The following NLGN1 variants were observed in gnomAD, a reference collection of about 807,000 sequenced individuals.
The protein encoded by NLGN1 is neuroligin-1.
Under a neutral mutation model 65.5 loss-of-function variants are expected in NLGN1, and 12 were observed. The ratio of observed to expected loss-of-function variants is 0.18; its 90% CI spans 0.12 to 0.30. NLGN1 has a LOEUF of 0.30. NLGN1 is among the 10% of genes least tolerant of loss of function. The pLI, the probability that NLGN1 is intolerant of heterozygous loss-of-function variation, is 1.00. For synonymous variants in NLGN1, 350 were observed against 359.5 expected (o/e 0.97, Z 0.30); for missense variants, 750 against 1,007.1 (o/e 0.74, Z 3.46).
chr3:173,479,365 TAAAC>T (rs1432223695), intron 2 of NLGN1, among the ~76,000 whole-genome samples: 1 of 152,090 alleles, frequency 6.6e-6, no homozygotes, highest in South Asian at 2.1e-4. Flanking sequence ...CCAGAATATA[TAAAC>T]AAACATGGGA....
intron 2 of NLGN1, among the ~76,000 whole-genome samples, chr3:173,476,828 A>G (rs1266018702): frequency 1.3e-5 from 2 of 152,158 alleles, no homozygotes; most frequent in African/African-American, 4.8e-5. Flanking sequence ...AAATGTATTT[A>G]TTTGAATGTA....
chr3:174,144,449 T>G (rs1034332513), intron 4 of NLGN1, among the ~76,000 whole-genome samples: 2 of 152,194 alleles, frequency 1.3e-5, no homozygotes, highest in Non-Finnish European at 2.9e-5. Flanking sequence ...GATTGCTGGG[T>G]CAAATGGTAT....
chr3:174,246,061 G>A (rs1390323691), intron 4 of NLGN1, among the ~76,000 whole-genome samples: 1 of 152,092 alleles, frequency 6.6e-6, no homozygotes, highest in African/African-American at 2.4e-5. Flanking sequence ...ATATAATTTA[G>A]CATAAGTTCA....
intron 2 of NLGN1, among the ~76,000 whole-genome samples, chr3:173,492,772 G>A (rs1341998023): frequency 1.3e-5 from 2 of 151,768 alleles, no homozygotes; most frequent in Admixed American, 1.3e-4. Flanking sequence ...GAAGGAAAGA[G>A]GAATCTGTAA....
At chr3:174,292,514 T>G in the NLGN1 span, among the ~76,000 whole-genome samples, 2 of 145,904 alleles carry the variant, frequency 1.4e-5, no homozygotes, top group Non-Finnish European at 3.1e-5. Context: ...TGAATAATAA[T>G]TAAAAAGAAA....
At chr3:173,445,930 A>G (rs965661075) in intron 2 of NLGN1, among the ~76,000 whole-genome samples, 16 of 152,188 alleles carry the variant, frequency 1.1e-4, no homozygotes, top group Non-Finnish European at 4.4e-5. Context: ...CTCCACCTCT[A>G]ACAGACATTT....
At chr3:173,411,902 G>T (rs1277928999) in intron 1 of NLGN1, among the ~76,000 whole-genome samples, 3 of 152,092 alleles carry the variant, frequency 2.0e-5, no homozygotes, top group East Asian at 3.9e-4. Context: ...GAAGCTGACA[G>T]TAAGACTTAA....
At chr3:174,107,108 A>T (rs1576908589) in intron 4 of NLGN1, among the ~76,000 whole-genome samples, 1 of 151,832 alleles carries the variant, frequency 6.6e-6, no homozygotes, top group East Asian at 1.9e-4. Context: ...ACATAAAGTT[A>T]ACCATCAAAG....
At chr3:173,708,206 T>G (rs1768356279) in intron 3 of NLGN1, among the ~76,000 whole-genome samples, 1 of 152,212 alleles carries the variant, frequency 6.6e-6, no homozygotes, top group African/African-American at 2.4e-5. Context: ...AAATATGTCC[T>G]TCTACCTTGA....
At chr3:173,500,591 C>G (rs192837701) in intron 2 of NLGN1, among the ~76,000 whole-genome samples, 2 of 152,204 alleles carry the variant, frequency 1.3e-5, no homozygotes, top group African/African-American at 4.8e-5. Context: ...AAGATTCCCT[C>G]TTTTTCTATT....
At chr3:173,818,600 A>G (rs1216233060) in intron 4 of NLGN1, among the ~76,000 whole-genome samples, 1 of 152,196 alleles carries the variant, frequency 6.6e-6, no homozygotes, top group Non-Finnish European at 1.5e-5. Flanking sequence ...TTTGTAAAAT[A>G]GAAAATACAC....
intron 2 of NLGN1, chr3:173,584,463 T>C (rs945352306): frequency 7.5e-6 from 1 of 133,512 alleles, no homozygotes; most frequent in Non-Finnish European, 1.6e-5. Context: ...CCAAAAAAGA[T>C]TTTTTAAAAA....
rs10688223 is a variant in NLGN1, at chr3:173,994,491, A to AAAAAAAAAGAG, written c.646+186660_646+186661insAAAAAAAGAGA. On this transcript the variant is annotated intron_variant, in intron 4 of 6. Transcript: ENST00000457714. ...AAAAAAAAAAAAAAAAAAAAAAAAA[A>AAAAAAAAAGAG]AGAGAGAGAGAGAGCCTAATTAGTA... 4.8e-4 allele frequency among the ~76,000 whole-genome samples: 39 copies of AAAAAAAAAGAG among 81,234 alleles called. 1 individual carries two copies. The highest frequency in any genetic ancestry group is 1.3e-3 in the East Asian group (2 of 1,582). The allele number at this position is 81,234 out of a possible 152,430, so 53.3% of individuals were successfully genotyped here.
rs190059664 is a variant in NLGN1 at position 174,209,822 on chromosome 3, G to A, written c.647-65493G>A. On this transcript the variant is annotated intron_variant, in intron 4 of 6. Coordinates refer to ENST00000457714, the Ensembl canonical transcript of NLGN1. ...TAATTTTTGTATTTGTGGTAGGGACGGGGTTGCGCCATGTTGGCCAGGCTG... is the reference window on the plus strand; with the variant it reads ...TAATTTTTGTATTTGTGGTAGGGACAGGGTTGCGCCATGTTGGCCAGGCTG... 2.5e-3 allele frequency among the ~76,000 whole-genome samples: 375 copies of A among 151,424 alleles called. 2 individuals carry two copies. The highest frequency in any genetic ancestry group is 8.5e-3 in the African/African-American group (350 of 41,268).
chr3:173,907,670 TG>T (rs1738722752), intron 4 of NLGN1, among the ~76,000 whole-genome samples: 1 of 149,618 alleles, frequency 6.7e-6, no homozygotes, highest in Admixed American at 6.7e-5. Flanking sequence ...CTGAAACCTC[TG>T]CCTCCCAGGT....
At chr3:173,502,687 G>A (rs1236421000) in intron 2 of NLGN1, among the ~76,000 whole-genome samples, 4 of 152,046 alleles carry the variant, frequency 2.6e-5, no homozygotes, top group Admixed American at 1.3e-4. Context: ...TAATAATTTG[G>A]TTCAGCATAT....
intron 4 of NLGN1, among the ~76,000 whole-genome samples, chr3:173,888,130 C>G (rs1206238772): frequency 1.3e-5 from 2 of 151,882 alleles, no homozygotes; most frequent in East Asian, 3.9e-4. Flanking sequence ...ATTCTATTCC[C>G]AAGTCTCTCA....
chr3:174,126,565 A>G (rs912382144), intron 4 of NLGN1, among the ~76,000 whole-genome samples: 3 of 152,140 alleles, frequency 2.0e-5, no homozygotes, highest in African/African-American at 7.2e-5. Flanking sequence ...ATTCTTCCTC[A>G]GTTAATTGTT....
chr3:174,112,012 A>G (rs1715339026), intron 4 of NLGN1, among the ~76,000 whole-genome samples: 1 of 151,918 alleles, frequency 6.6e-6, no homozygotes, highest in South Asian at 2.1e-4. Context: ...AGCCAGCAAG[A>G]TGATTATGTG....
Sources: gnomAD v4.1 joint callset for allele counts (sites outside exome capture counted in the v4.1 genomes callset) on GRCh38, gnomAD v4.1.1 for gene constraint, MANE v1.5 for transcripts, NCBI Gene and HGNC (gene_info 2026-07-23, HGNC 2026-07-21) for gene names.